TRIO: variants seen among roughly 807,000 people sequenced by gnomAD.
TRIO encodes triple functional domain protein.
A neutral mutation model predicts 351.9 loss-of-function variants in TRIO; 58 were observed. The ratio of observed to expected loss-of-function variants is 0.16; its 90% CI spans 0.13 to 0.21. TRIO has a LOEUF of 0.21. Ranked by LOEUF, TRIO falls within the 10% of genes least tolerant of loss-of-function variation. The probability of loss-of-function intolerance (pLI) is 1.00; values close to 1 mark genes in which losing one functional copy is unlikely to be tolerated. For missense variants in TRIO, 3,201 were observed against 4,027.8 expected (o/e 0.79, Z 5.56); for synonymous variants, 1,758 against 1,595.7 (o/e 1.10, Z -2.42).
In TRIO at chr5:14,505,391, T is replaced by G. The variant is rs868114781; in HGVS notation, c.8612+798T>G. On this transcript the variant is annotated intron_variant, in intron 55 of 56. Transcript: ENST00000344204. The stretch of plus-strand genomic sequence containing the variant: ...TTTGAAAAATGTCGATTCCTCCTTT[T>G]TAGGGGGAGTCATTTTATACATTTA... 1.4e-4 allele frequency among the ~76,000 whole-genome samples: 21 copies of G among 152,220 alleles called. 1 individual carries two copies. The highest frequency in any genetic ancestry group is 4.1e-4 in the South Asian group (2 of 4,834).
intron 18 of TRIO, among the ~76,000 whole-genome samples, chr5:14,372,937 T>G (rs979780660): frequency 3.3e-5 from 5 of 152,204 alleles, no homozygotes; most frequent in Non-Finnish European, 5.9e-5. Flanking sequence ...AGAGGTTTAG[T>G]TGACTCACAG....
chr5:14,485,040 A>G (rs2126623745), intron 46 of TRIO, 29 bp from the exon 47 acceptor site: 3 of 1,518,918 alleles, frequency 2.0e-6, no homozygotes, highest in South Asian at 1.3e-5. Context: ...CCTGTTAGCT[A>G]TTATGAATAA....
chr5:14,194,875 A>G (rs1204066983), intron 1 of TRIO, among the ~76,000 whole-genome samples: 2 of 152,178 alleles, frequency 1.3e-5, no homozygotes, highest in Non-Finnish European at 2.9e-5. Flanking sequence ...TTACATGTTA[A>G]TATTTTGCCG....
At chr5:14,478,403 A>T (rs1373388710) in intron 41 of TRIO, among the ~76,000 whole-genome samples, 1 of 152,238 alleles carries the variant, frequency 6.6e-6, no homozygotes, top group South Asian at 2.1e-4. Flanking sequence ...AACAAAAAGG[A>T]CAACTGACAT....
At chr5:14,213,355 A>C (rs180828382) in intron 1 of TRIO, among the ~76,000 whole-genome samples, 43 of 149,158 alleles carry the variant, frequency 2.9e-4, no homozygotes, top group African/African-American at 1.0e-3. Context: ...TAAATATATA[A>C]AATTATTTAT....
chr5:14,295,171 T>C (rs938126726), intron 6 of TRIO, among the ~76,000 whole-genome samples: 10 of 152,182 alleles, frequency 6.6e-5, no homozygotes, highest in Admixed American at 3.9e-4. Flanking sequence ...TATAGTGTTT[T>C]GAACAATTTC....
intron 1 of TRIO, among the ~76,000 whole-genome samples, chr5:14,260,427 A>G (rs1795279162): frequency 1.3e-5 from 2 of 152,218 alleles, no homozygotes; most frequent in Admixed American, 1.3e-4. Flanking sequence ...CATTTAGGGG[A>G]AAAATCTCTG....
intron 1 of TRIO, among the ~76,000 whole-genome samples, chr5:14,225,380 G>A (rs1005354865): frequency 7.9e-5 from 12 of 152,150 alleles, no homozygotes; most frequent in Non-Finnish European, 1.0e-4. Flanking sequence ...TTACTCCACC[G>A]TTTCTGTAGG....
rs748639948 is a variant in TRIO at position 14,358,168 on chromosome 5, C to T, written c.2047-10C>T. 7.5e-5 allele frequency: 120 copies of T among 1,609,438 alleles called. 1 individual carries two copies. The highest frequency in any genetic ancestry group is 9.4e-5 in the Non-Finnish European group (111 of 1,176,554). On this transcript the variant is annotated splice_polypyrimidine_tract_variant and intron_variant, in intron 11 of 56. Transcript: ENST00000344204. ...GCCGGCCGGCCTCACCCCCCTCTCCCCTTCCCCAGCTGTGGACGTGGCTGG... is the reference window on the plus strand; with the variant it reads ...GCCGGCCGGCCTCACCCCCCTCTCCTCTTCCCCAGCTGTGGACGTGGCTGG...
In TRIO at chr5:14,504,477, G is replaced by A. The variant is rs746116088; in HGVS notation, c.8496G>A (p.Met2832Ile). ...CTAAGTTTGTGAACAAGAAGTTGAT[G>A]AAGCGCGACCAGGTCACCCATGAGC... ...VATKFVNKKL[M>I]KRDQVTHELG... The change falls in exon 55 of 57, where the codon ATG becomes ATA. Residue 2832 changes from methionine to isoleucine, a missense_variant. By Grantham distance (10) the Met-to-Ile change is conservative. Coordinates refer to ENST00000344204, the MANE Select transcript of TRIO (RefSeq NM_007118.4). The A allele has an allele frequency of 2.8e-5, 46 of 1,614,040 alleles. 1 individual carries two copies. In the South Asian group the frequency reaches 5.1e-4, roughly 18 times the overall value.
At chr5:14,408,716 T>C (rs1441254158) in intron 33 of TRIO, among the ~76,000 whole-genome samples, 1 of 152,192 alleles carries the variant, frequency 6.6e-6, no homozygotes, top group Non-Finnish European at 1.5e-5. Flanking sequence ...AGTTGAATCA[T>C]GGGTGCTCAA....
intron 2 of TRIO, among the ~76,000 whole-genome samples, chr5:14,275,752 C>T (rs1397072101): frequency 6.6e-6 from 1 of 150,640 alleles, no homozygotes; most frequent in African/African-American, 2.4e-5. Context: ...TATATAGCAG[C>T]ACATAATAGA....
intron 2 of TRIO, 46 bp from the exon 3 acceptor site, chr5:14,280,276 C>G: frequency 1.3e-6 from 2 of 1,553,174 alleles, no homozygotes; most frequent in Non-Finnish European, 1.8e-6. Flanking sequence ...CATAGGATTT[C>G]TGTCTTATCT....
At chr5:14,451,216 T>C (rs1296052208) in intron 34 of TRIO, among the ~76,000 whole-genome samples, 1 of 152,194 alleles carries the variant, frequency 6.6e-6, no homozygotes, top group African/African-American at 2.4e-5. Context: ...CTGTGTAAGA[T>C]GCAGAGAAGA....
At chr5:14,335,648 A>G (rs760938651) in intron 10 of TRIO, among the ~76,000 whole-genome samples, 2 of 152,224 alleles carry the variant, frequency 1.3e-5, no homozygotes, top group Non-Finnish European at 2.9e-5. Flanking sequence ...CTTTAGAGCC[A>G]TTATAGTTAT....
chr5:14,254,433 G>T (rs1402449732), intron 1 of TRIO, among the ~76,000 whole-genome samples: 1 of 152,192 alleles, frequency 6.6e-6, no homozygotes, highest in Non-Finnish European at 1.5e-5. Context: ...GTATAAAGGA[G>T]TCTTGGGCTT....
chr5:14,434,974 G>T (rs1480656398), intron 34 of TRIO, among the ~76,000 whole-genome samples: 1 of 152,168 alleles, frequency 6.6e-6, no homozygotes, highest in Non-Finnish European at 1.5e-5. Flanking sequence ...CATGCATGTT[G>T]GGCAAGAACA....
chr5:14,277,104 T>G (rs1179293254), intron 2 of TRIO, among the ~76,000 whole-genome samples: 1 of 152,250 alleles, frequency 6.6e-6, no homozygotes, highest in Non-Finnish European at 1.5e-5. Context: ...CCAGTCTCAC[T>G]GGGCATGGAG....
In TRIO at chr5:14,430,513, G is replaced by T. The variant is rs528020707; in HGVS notation, c.5203+10492G>T. Among the ~76,000 whole-genome samples the T allele has an allele frequency of 2.0e-5, 3 of 152,054 alleles. No individual in the cohort carries two copies. In the South Asian group the frequency reaches 6.2e-4, roughly 32 times the overall value. On this transcript the variant is annotated intron_variant, in intron 34 of 56. Coordinates refer to ENST00000344204, the MANE Select transcript of TRIO (RefSeq NM_007118.4). Reference sequence around the variant, plus strand: ...AAATAGCTTTCATGGTGCCCCATACGCCTTCCATCCTTGCAAAGTTCTTCG... The same window carrying T: ...AAATAGCTTTCATGGTGCCCCATACTCCTTCCATCCTTGCAAAGTTCTTCG...
Sources: allele counts gnomAD v4.1 joint callset (sites outside exome capture counted in the v4.1 genomes callset), GRCh38; gene constraint gnomAD v4.1.1; transcripts MANE v1.5; gene names NCBI Gene and HGNC (gene_info 2026-07-23, HGNC 2026-07-21).